Variants in EYA2 observed in about 807,000 individuals in gnomAD.
The protein encoded by EYA2 is protein phosphatase EYA2.
In EYA2, 31 loss-of-function variants were observed where a neutral mutation model predicts 69.2. That is an observed-to-expected ratio of 0.45 (90% CI 0.34 to 0.60). EYA2 has a LOEUF of 0.60. Among genes scored for constraint, EYA2 ranks in the 20% least tolerant of loss-of-function variants. EYA2 has a pLI of 0.02. For synonymous variants in EYA2, 257 were observed against 279.4 expected (o/e 0.92, Z 0.80); for missense variants, 622 against 701.2 (o/e 0.89, Z 1.28).
At chr20:47,107,174 G>A (rs2032606142) in intron 9 of EYA2, among the ~76,000 whole-genome samples, 1 of 152,162 alleles carries the variant, frequency 6.6e-6, no homozygotes, top group South Asian at 2.1e-4. Context: ...TAAAAACTCT[G>A]CCCTCATGGA....
intron 5 of EYA2, among the ~76,000 whole-genome samples, chr20:47,021,423 T>TC (rs1303247116): frequency 6.6e-6 from 1 of 151,874 alleles, no homozygotes; most frequent in Non-Finnish European, 1.5e-5. Flanking sequence ...GCTCAGGAGT[T>TC]CAAGACCAGC....
chr20:47,048,854 C>T (rs993688052), intron 5 of EYA2, among the ~76,000 whole-genome samples: 20 of 152,186 alleles, frequency 1.3e-4, no homozygotes, highest in Non-Finnish European at 2.8e-4. Flanking sequence ...TGCTTCACTC[C>T]CAGCAAGAGA....
intron 5 of EYA2, among the ~76,000 whole-genome samples, chr20:47,038,819 G>A (rs140987177): frequency 1.3e-5 from 2 of 152,246 alleles, no homozygotes; most frequent in African/African-American, 4.8e-5. Context: ...CTAAGAGTGT[G>A]AGTACTTTAG....
chr20:47,028,707 G>A (rs540158181), intron 5 of EYA2, among the ~76,000 whole-genome samples: 1 of 152,160 alleles, frequency 6.6e-6, no homozygotes, highest in East Asian at 1.9e-4. Flanking sequence ...AAAGCTCTAG[G>A]ACACAGGGCC....
intron 5 of EYA2, among the ~76,000 whole-genome samples, chr20:47,069,799 G>GT (rs2031245379): frequency 6.6e-6 from 1 of 151,960 alleles, no homozygotes; most frequent in African/African-American, 2.4e-5. Flanking sequence ...ACTTTTTATA[G>GT]TGGTCCTGGA....
At chr20:47,014,621 G>A (rs1169351999) in intron 4 of EYA2, among the ~76,000 whole-genome samples, 1 of 128,524 alleles carries the variant, frequency 7.8e-6, no homozygotes, top group Non-Finnish European at 1.6e-5. Flanking sequence ...TTGCACATGT[G>A]CACAAAATGT....
chr20:46,937,708 A>G (rs1232065462), intron 1 of EYA2, among the ~76,000 whole-genome samples: 3 of 148,070 alleles, frequency 2.0e-5, no homozygotes, highest in African/African-American at 7.5e-5. Flanking sequence ...TACTTCCAGC[A>G]AGGCAATTTG....
intron 10 of EYA2, among the ~76,000 whole-genome samples, chr20:47,145,612 A>G (rs1335933150): frequency 6.6e-6 from 1 of 152,108 alleles, no homozygotes; most frequent in Non-Finnish European, 1.5e-5. Context: ...CAGAGGAGAA[A>G]TGTGGTCTGG....
At chr20:47,117,926 T>G (rs956444076) in intron 9 of EYA2, among the ~76,000 whole-genome samples, 4 of 152,222 alleles carry the variant, frequency 2.6e-5, no homozygotes, top group African/African-American at 7.2e-5. Context: ...CGAGAAAACC[T>G]TCCAATTTCT....
At chr20:46,949,407 C>G in intron 1 of EYA2, among the ~76,000 whole-genome samples, 1 of 152,262 alleles carries the variant, frequency 6.6e-6, no homozygotes, top group East Asian at 1.9e-4. Flanking sequence ...ACAGTCAAGA[C>G]TTTCAGGTAA....
At chr20:47,080,580 A>G (rs1213151478) in intron 7 of EYA2, among the ~76,000 whole-genome samples, 2 of 152,290 alleles carry the variant, frequency 1.3e-5, no homozygotes, top group African/African-American at 4.8e-5. Flanking sequence ...CTATTGTACA[A>G]TATGGTGACT....
chr20:47,043,802 A>G (rs2029897108), intron 5 of EYA2, among the ~76,000 whole-genome samples: 1 of 152,218 alleles, frequency 6.6e-6, no homozygotes. Flanking sequence ...CATTATCATC[A>G]TTGTCCTGTC....
At chr20:47,030,331 A>G (rs1984335425) in intron 5 of EYA2, among the ~76,000 whole-genome samples, 1 of 152,220 alleles carries the variant, frequency 6.6e-6, no homozygotes, top group Non-Finnish European at 1.5e-5. Context: ...GGCACCCCCT[A>G]GGGGTACTGC....
At chr20:46,944,023 A>G (rs569898134) in intron 1 of EYA2, among the ~76,000 whole-genome samples, 67 of 152,292 alleles carry the variant, frequency 4.4e-4, no homozygotes, top group Non-Finnish European at 7.8e-4. Flanking sequence ...GAAAGTTCCC[A>G]GGGTTAGCCT....
Position 47,184,648 on chromosome 20 carries a change from C to G in EYA2, c.1536+1257C>G, listed in dbSNP as rs116111021. ...ATGTTGCCTGGGCTGGCCTCAAACT[C>G]GTAAACTCAAACAATCTGCCCACCT... On this transcript the variant is annotated intron_variant, in intron 15 of 15. Coordinates refer to ENST00000327619, the MANE Select transcript of EYA2 (RefSeq NM_005244.5). 2.8e-3 allele frequency among the ~76,000 whole-genome samples: 424 copies of G among 151,840 alleles called. 5 individuals are homozygous for G. The highest frequency in any genetic ancestry group is 9.8e-3 in the African/African-American group (406 of 41,352).
intron 9 of EYA2, among the ~76,000 whole-genome samples, chr20:47,120,825 G>A (rs2033025583): frequency 6.6e-6 from 1 of 152,172 alleles, no homozygotes; most frequent in Admixed American, 6.5e-5. Context: ...TTTTTACTTG[G>A]AAATTCAGAT....
intron 5 of EYA2, among the ~76,000 whole-genome samples, chr20:47,043,680 G>A (rs2029894278): frequency 6.6e-6 from 1 of 151,462 alleles, no homozygotes; most frequent in Admixed American, 6.5e-5. Context: ...ATGATAATAC[G>A]CATTTCATAG....
At chr20:47,021,475 A>T (rs1178413076) in intron 5 of EYA2, among the ~76,000 whole-genome samples, 1 of 152,044 alleles carries the variant, frequency 6.6e-6, no homozygotes, top group East Asian at 1.9e-4. Context: ...TAAAATACAA[A>T]AATTAGCCGG....
At chr20:47,156,123 CACACATATATAT>C (rs1568814131) in intron 10 of EYA2, among the ~76,000 whole-genome samples, 7 of 23,952 alleles carry the variant, frequency 2.9e-4, no homozygotes, top group African/African-American at 9.3e-4. Flanking sequence ...CACACACACA[CACACATATATAT>C]ATATATATAT....
Sources: allele counts gnomAD v4.1 joint callset (sites outside exome capture counted in the v4.1 genomes callset), GRCh38; gene constraint gnomAD v4.1.1; transcripts MANE v1.5; gene names NCBI Gene and HGNC (gene_info 2026-07-23, HGNC 2026-07-21).